The following PHKA1 variants were observed in gnomAD, a reference collection of about 807,000 sequenced individuals.
The protein encoded by PHKA1 is phosphorylase b kinase regulatory subunit alpha, skeletal muscle isoform.
Under a neutral mutation model 110.2 loss-of-function variants are expected in PHKA1, and 60 were observed. The ratio of observed to expected loss-of-function variants is 0.54; its 90% CI spans 0.44 to 0.68. PHKA1 has a LOEUF of 0.68. Ranked by LOEUF, PHKA1 falls within the 30% of genes least tolerant of loss-of-function variation. The probability of loss-of-function intolerance (pLI) is 0.00; values close to 1 mark genes in which losing one functional copy is unlikely to be tolerated. For synonymous variants in PHKA1, 316 were observed against 333.6 expected (o/e 0.95, Z 0.58); for missense variants, 801 against 942.5 (o/e 0.85, Z 1.97).
At chrX:72,671,848 A>G (rs2053705569) in intron 6 of PHKA1, among the ~76,000 whole-genome samples, 2 of 111,166 alleles carry the variant, frequency 1.8e-5, no homozygotes, top group African/African-American at 3.3e-5. Flanking sequence ...AGGATTCCCT[A>G]TTTAATAAAT....
intron 5 of PHKA1, among the ~76,000 whole-genome samples, chrX:72,682,934 T>TTAAAAAAAAAAAAAAAAAA (rs1556317402): frequency 1.6e-5 from 1 of 63,857 alleles, no homozygotes; most frequent in Non-Finnish European, 2.8e-5. Context: ...AAAAATAAAT[T>TTAAAAAAAAAAAAAAAAAA]AAAAAAAAAA....
At chrX:72,632,075 G>A (rs1390794232) in intron 16 of PHKA1, among the ~76,000 whole-genome samples, 2 of 111,121 alleles carry the variant, frequency 1.8e-5, no homozygotes, top group Non-Finnish European at 3.8e-5. Context: ...TTTATGTCAC[G>A]TATCTGGCAA....
At chrX:72,602,429 G>A (rs1650421898) in intron 26 of PHKA1, among the ~76,000 whole-genome samples, 156 bp from the exon 27 acceptor site, 1 of 111,705 alleles carries the variant, frequency 9.0e-6, no homozygotes, top group African/African-American at 3.3e-5. Flanking sequence ...TGGACCAACA[G>A]CATCAGTACC....
chrX:72,607,616 T>G (rs1267828759), intron 23 of PHKA1, among the ~76,000 whole-genome samples: 1 of 112,137 alleles, frequency 8.9e-6, no homozygotes, highest in African/African-American at 3.2e-5. Context: ...TTATACATTC[T>G]GGTTATTAAT....
At chrX:72,620,954 T>C in intron 18 of PHKA1, 53 bp from the exon 19 acceptor site, 1 of 1,129,939 alleles carries the variant, frequency 8.9e-7, no homozygotes. Context: ...ATATTTTAGT[T>C]ACTTTACAAT....
At chrX:72,599,217 A>G (rs938127582) in intron 28 of PHKA1, among the ~76,000 whole-genome samples, 1 of 111,879 alleles carries the variant, frequency 8.9e-6, no homozygotes, top group Non-Finnish European at 1.9e-5. Flanking sequence ...TGTTTCGAAT[A>G]ATTTTCCATT....
intron 18 of PHKA1, chrX:72,622,411 T>G: frequency 1.3e-6 from 1 of 754,160 alleles, no homozygotes; most frequent in African/African-American, 2.3e-5. Flanking sequence ...TTTAGAGGGC[T>G]AGACAAATAA....
intron 13 of PHKA1, 77 bp from the exon 14 acceptor site, chrX:72,644,573 A>C (rs2053338177): frequency 1.1e-6 from 1 of 949,634 alleles, no homozygotes; most frequent in East Asian, 3.3e-5. Context: ...AAGTTATATA[A>C]TTTCTTTTAA....
chrX:72,613,751 C>T (rs189391560), intron 21 of PHKA1, among the ~76,000 whole-genome samples: 8 of 111,580 alleles, frequency 7.2e-5, no homozygotes, highest in African/African-American at 1.3e-4. Context: ...AATGATCCAA[C>T]CAAGCGATCA....
chrX:72,615,646 G>A (rs1556267928), intron 21 of PHKA1, among the ~76,000 whole-genome samples: 1 of 100,532 alleles, frequency 9.9e-6, no homozygotes, highest in African/African-American at 3.7e-5. Context: ...ATATTATGAA[G>A]GAAAATCACT....
intron 2 of PHKA1, among the ~76,000 whole-genome samples, chrX:72,705,913 C>T (rs1241059650): frequency 1.8e-5 from 2 of 111,675 alleles, no homozygotes; most frequent in African/African-American, 6.5e-5. Context: ...GCCCATCAAT[C>T]GTGGCATGGG....
chrX:72,701,144 G>T lies in PHKA1; in HGVS notation c.285+4054C>A, dbSNP rs549358491. On this transcript the variant is annotated intron_variant, in intron 3 of 31. Transcript: ENST00000373542. Reference sequence around the variant, plus strand: ...TTTCATTTGTAACGGGACACAGTTGGAGAAACTGGTAATTTTACCAAGGCT... The same window carrying T: ...TTTCATTTGTAACGGGACACAGTTGTAGAAACTGGTAATTTTACCAAGGCT... Among the ~76,000 whole-genome samples, 6 of 112,384 alleles carry T rather than the reference G, an allele frequency of 5.3e-5. No individual in the cohort carries two copies. In the South Asian group the frequency reaches 2.2e-3, roughly 41 times the overall value.
At position 72,611,184 on chromosome X, in the gene PHKA1, T is replaced by C. The variant is rs781926600; in HGVS notation, c.2370A>G (p.Lys790=). 8.4e-6 allele frequency: 10 copies of C among 1,194,542 alleles called. No individual in the cohort carries two copies. In the African/African-American group the frequency reaches 1.2e-4, roughly 15 times the overall value. ...ACAATTCAGTGTTCCAGTCAGGTCC[T>C]CTAGAATTTTAACGACAGGACTACA... ...ADILYMLYTM[K]GPDWNTELYN... The change falls in exon 22 of 32, where the codon AAA becomes AAG. Residue 790 remains lysine (K), a splice_region_variant and synonymous_variant. Coordinates refer to ENST00000373542, the MANE Select transcript of PHKA1 (RefSeq NM_002637.4).
At chrX:72,648,416 A>G (rs2053386918) in intron 13 of PHKA1, among the ~76,000 whole-genome samples, 1 of 111,542 alleles carries the variant, frequency 9.0e-6, no homozygotes, top group African/African-American at 3.3e-5. Flanking sequence ...TGAAAAAAAG[A>G]GGTGGGGATT....
intron 28 of PHKA1, among the ~76,000 whole-genome samples, chrX:72,596,921 A>G (rs1218606148): frequency 1.8e-5 from 2 of 112,458 alleles, no homozygotes; most frequent in Non-Finnish European, 3.7e-5. Flanking sequence ...GGACATATAG[A>G]TCGATGGAAT....
chrX:72,603,349 A>G (rs2052683443), intron 25 of PHKA1, 129 bp from the exon 26 acceptor site: 2 of 491,542 alleles, frequency 4.1e-6, no homozygotes, highest in Admixed American at 2.8e-5. Context: ...ATTACAAAAT[A>G]AATTGATAGC....
intron 25 of PHKA1, among the ~76,000 whole-genome samples, chrX:72,604,710 T>C (rs2052704146): frequency 8.9e-6 from 1 of 112,057 alleles, no homozygotes; most frequent in East Asian, 2.8e-4. Context: ...ATTGTTCCCC[T>C]TCACACTTTA....
chrX:72,628,399 T>C (rs1465777077), intron 16 of PHKA1, among the ~76,000 whole-genome samples: 3 of 109,225 alleles, frequency 2.7e-5, no homozygotes, highest in African/African-American at 1.0e-4. Context: ...GTATGACAAA[T>C]ACTTTATCTA....
chrX:72,655,202 A>T (rs1313521348), intron 10 of PHKA1, among the ~76,000 whole-genome samples: 1 of 112,425 alleles, frequency 8.9e-6, no homozygotes, highest in African/African-American at 3.2e-5. Context: ...TGAGCCCAGG[A>T]GTTTGAGACC....
Sources: allele counts gnomAD v4.1 joint callset (sites outside exome capture counted in the v4.1 genomes callset), GRCh38; gene constraint gnomAD v4.1.1; transcripts MANE v1.5; gene names NCBI Gene and HGNC (gene_info 2026-07-23, HGNC 2026-07-21).